Variants in ZNF284 observed in about 807,000 individuals in gnomAD.
ZNF284 encodes the protein zinc finger protein 284.
Under a neutral mutation model 12.9 loss-of-function variants are expected in ZNF284, and 12 were observed. The ratio of observed to expected loss-of-function variants is 0.93; its 90% CI spans 0.60 to 1.51. The LOEUF (loss-of-function observed/expected upper bound fraction) is 1.51, where lower values mean the gene tolerates loss of function less well. Among genes scored for constraint, ZNF284 ranks in the 40% most tolerant of loss-of-function variants. The pLI is 0.00. For synonymous variants in ZNF284, 225 were observed against 236.5 expected (o/e 0.95, Z 0.45); for missense variants, 667 against 707.3 (o/e 0.94, Z 0.65).
chr19:44,086,904 C>T lies in ZNF284; in HGVS notation c.1426C>T (p.Leu476Phe). 1 of 1,614,060 alleles carries T rather than the reference C, an allele frequency of 6.2e-7. No homozygotes were observed. Among genetic ancestry groups the T allele is most frequent in the South Asian group, 1.1e-5 (1 of 91,074 alleles). ...WASGILRHKR[L>F]HTGEKPFKCE... is the part of the protein sequence containing the mutation. ...CTCAGGTATTTTGAGACATAAGAGA[C>T]TCCATACTGGAGAAAAACCATTCAA... is the stretch of plus-strand genomic sequence containing the variant. Residue 476 changes from leucine (L) to phenylalanine (F), a missense_variant, in exon 5 of 5, where the codon CTC (leucine) becomes TTC (phenylalanine). Leu to Phe is a conservative substitution (Grantham distance 22). Transcript: ENST00000421176.
intron 4 of ZNF284, among the ~76,000 whole-genome samples, chr19:44,082,935 T>C (rs915588767): frequency 5.3e-5 from 8 of 152,204 alleles, no homozygotes; most frequent in African/African-American, 1.9e-4. Context: ...CTATATAACA[T>C]AACAGGTTCA....
At position 44,089,113 on chromosome 19, in the gene ZNF284, ATTTTG is replaced by A. The variant is rs67645517; in HGVS notation, c.*1873_*1877del. On this transcript the variant is annotated 3_prime_UTR_variant, in exon 5 of 5. Coordinates refer to ENST00000421176, the MANE Select transcript of ZNF284 (RefSeq NM_001037813.4). Reference sequence around the variant, plus strand: ...TACAGGCCTGAGCCATGCGCACAGCATTTTGTTTTGTTTTGTTTTGTTTTTGAGAT... The same window carrying A: ...TACAGGCCTGAGCCATGCGCACAGCATTTTGTTTTGTTTTGTTTTTGAGAT... The A allele has an allele frequency of 0.7, 104,681 of 149,512 alleles. 38,144 individuals carry two copies. The highest frequency in any genetic ancestry group is 0.83 in the Non-Finnish European group (55,698 of 67,422). The allele number at this position is 149,512 out of a possible 1,614,324, so 9.3% of individuals were successfully genotyped here.
At position 44,085,965 on chromosome 19, in the gene ZNF284, G is replaced by A; in HGVS notation, c.487G>A (p.Asp163Asn). 1 of 1,614,076 alleles carries A rather than the reference G, an allele frequency of 6.2e-7. No homozygotes were observed. The highest frequency in any genetic ancestry group is 8.5e-7 in the Non-Finnish European group (1 of 1,179,992). The change falls in exon 5 of 5, where the codon GAT becomes AAT. Residue 163 changes from aspartate (D) to asparagine (N), a missense_variant. Asp to Asn is a conservative substitution (Grantham distance 23, BLOSUM62 1). Coordinates refer to ENST00000421176, the MANE Select transcript of ZNF284 (RefSeq NM_001037813.4). ...ATTCTTCAGTGATGTCTCCATCCTT[G>A]ATCTTCATCAACAATTACACTCAGG... ...KKFFSDVSIL[D>N]LHQQLHSGKI...
At position 44,086,569 on chromosome 19, in the gene ZNF284, A is replaced by C. The variant is rs751613195; in HGVS notation, c.1091A>C (p.Asp364Ala). The change falls in exon 5 of 5, where the codon GAC (aspartate) becomes GCC (alanine). Residue 364 changes from aspartate to alanine, a missense_variant. Asp to Ala is a moderately radical substitution (Grantham distance 126, BLOSUM62 -2). Coordinates refer to ENST00000421176, the MANE Select transcript of ZNF284 (RefSeq NM_001037813.4). Reference protein sequence around the residue: ...CRQDLCKHQMDHTGDKPYNCN... With the variant: ...CRQDLCKHQMAHTGDKPYNCN... Reference sequence around the variant, plus strand: ...CAAGATCTTTGTAAGCATCAGATGGACCATACAGGAGACAAACCATATAAT... The same window carrying C: ...CAAGATCTTTGTAAGCATCAGATGGCCCATACAGGAGACAAACCATATAAT... 1 of 1,614,068 alleles carries C rather than the reference A, an allele frequency of 6.2e-7. No individual in the cohort carries two copies. The highest frequency in any genetic ancestry group is 1.3e-5 in the African/African-American group (1 of 74,922).
At chr19:44,079,459 C>T (rs1967083002) in intron 2 of ZNF284, among the ~76,000 whole-genome samples, 1 of 152,086 alleles carries the variant, frequency 6.6e-6, no homozygotes, top group Non-Finnish European at 1.5e-5. Context: ...CCTGTAATCC[C>T]AGCACTTTGG....
chr19:44,083,539 TTGTCTTATACTG>T (rs1452256872), intron 4 of ZNF284, among the ~76,000 whole-genome samples: 2 of 143,324 alleles, frequency 1.4e-5, no homozygotes, highest in African/African-American at 5.0e-5. Flanking sequence ...CCTTCTGGTG[TTGTCTTATACTG>T]TGTCTTATAT....
At position 44,082,100 on chromosome 19, in the gene ZNF284, A is replaced by T; in HGVS notation, c.230A>T (p.Asn77Ile). The T allele has an allele frequency of 6.2e-7, 1 of 1,613,164 alleles. No individual in the cohort carries two copies. The highest frequency in any genetic ancestry group is 1.1e-5 in the South Asian group (1 of 91,044). ...GAGACAGCAACCCAAAGAGAAGGGA[A>T]TTCAGGTAAGAACCAAGCAACGATG... ...IMETATQREG[N>I]SGGKIQTELE... Residue 77 changes from asparagine to isoleucine, a missense_variant, in exon 4 of 5, where the codon AAT becomes ATT. Coordinates refer to ENST00000421176, the MANE Select transcript of ZNF284 (RefSeq NM_001037813.4).
At position 44,085,819 on chromosome 19, in the gene ZNF284, C is replaced by T. The variant is rs762157886; in HGVS notation, c.341C>T (p.Pro114Leu). The change falls in exon 5 of 5, where the codon CCT becomes CTT. Residue 114 changes from proline to leucine, a missense_variant. Pro to Leu is a moderately conservative substitution (Grantham distance 98). Coordinates refer to ENST00000421176, the MANE Select transcript of ZNF284 (RefSeq NM_001037813.4). ...CAAACTGCAAGTGAGTTAACTAGACCTCAAGACTCCATAAGTAGCTCTCAG... is the reference window on the plus strand; with the variant it reads ...CAAACTGCAAGTGAGTTAACTAGACTTCAAGACTCCATAAGTAGCTCTCAG... ...WEQTASELTRPQDSISSSQFS... is the reference protein window; with the variant it reads ...WEQTASELTRLQDSISSSQFS... 7.5e-6 allele frequency: 12 copies of T among 1,610,176 alleles called. No individual in the cohort carries two copies. The highest frequency in any genetic ancestry group is 9.3e-6 in the Non-Finnish European group (11 of 1,178,558).
chr19:44,075,121 T>A (rs1043872540), intron 1 of ZNF284, among the ~76,000 whole-genome samples: 10 of 152,238 alleles, frequency 6.6e-5, no homozygotes, highest in Non-Finnish European at 1.3e-4. Flanking sequence ...CCATATTACA[T>A]AACGTTGTTA....
At chr19:44,079,598 A>G (rs1371429343) in intron 2 of ZNF284, among the ~76,000 whole-genome samples, 1 of 151,270 alleles carries the variant, frequency 6.6e-6, no homozygotes, top group Non-Finnish European at 1.5e-5. Flanking sequence ...AGTCCCAGCT[A>G]CTCGGGAGGC....
At chr19:44,075,223 T>C (rs1967008835) in intron 1 of ZNF284, among the ~76,000 whole-genome samples, 1 of 152,224 alleles carries the variant, frequency 6.6e-6, no homozygotes, top group South Asian at 2.1e-4. Flanking sequence ...TGTAACCCCA[T>C]TCAAAGTCCA....
intron 3 of ZNF284, among the ~76,000 whole-genome samples, chr19:44,081,449 T>C (rs377140792): frequency 5.6e-4 from 85 of 151,996 alleles, no homozygotes; most frequent in South Asian, 3.3e-3. Context: ...CGGTGGCTCA[T>C]GCCTGTAATC....
chr19:44,080,913 T>G, intron 2 of ZNF284, 102 bp from the exon 3 acceptor site: 1 of 1,413,818 alleles, frequency 7.1e-7, no homozygotes, highest in South Asian at 1.3e-5. Flanking sequence ...TCTTTCAAGA[T>G]CCACAGCAAC....
intron 4 of ZNF284, among the ~76,000 whole-genome samples, chr19:44,084,406 G>C (rs542207917): frequency 6.6e-6 from 1 of 152,200 alleles, no homozygotes; most frequent in African/African-American, 2.4e-5. Flanking sequence ...CAGTGCAAGG[G>C]ACTCCCCATG....
chr19:44,075,473 A>G (rs1174139533), intron 1 of ZNF284, among the ~76,000 whole-genome samples: 1 of 152,170 alleles, frequency 6.6e-6, no homozygotes, highest in Non-Finnish European at 1.5e-5. Context: ...ACAGTGTCCA[A>G]ATGATGTTGG....
rs1429457143 is a variant in ZNF284 at position 44,082,178 on chromosome 19, C to T, written c.235+73C>T. ...TTTTACTTCTGTCCATTGCCCAACT[C>T]CATTGCCCTGGTATAAATGGCCAAA... On this transcript the variant is annotated intron_variant, in intron 4 of 4. Coordinates refer to ENST00000421176, the MANE Select transcript of ZNF284 (RefSeq NM_001037813.4). 6 of 1,256,310 alleles carry T rather than the reference C, an allele frequency of 4.8e-6. No homozygotes were observed. In the South Asian group the frequency reaches 6.6e-5, roughly 14 times the overall value. 77.8% of individuals were successfully genotyped at this position (1,256,310 alleles called of 1,614,324 possible).
chr19:44,078,125 A>G (rs73037669), intron 2 of ZNF284, among the ~76,000 whole-genome samples: 400 of 152,372 alleles, frequency 2.6e-3, no homozygotes, highest in Non-Finnish European at 4.1e-3. Flanking sequence ...TACAGAATGG[A>G]GAAAAAAATT....
chr19:44,080,585 C>G (rs1568521335), intron 2 of ZNF284, among the ~76,000 whole-genome samples: 1 of 151,688 alleles, frequency 6.6e-6, no homozygotes, highest in Non-Finnish European at 1.5e-5. Context: ...GACTCTGTCT[C>G]AAAAAATAAA....
At chr19:44,083,459 A>ATG (rs1967160323) in intron 4 of ZNF284, among the ~76,000 whole-genome samples, 1 of 54,596 alleles carries the variant, frequency 1.8e-5, no homozygotes, top group Non-Finnish European at 4.7e-5. Context: ...AAATATATAT[A>ATG]TATATATATA....
Sources: allele counts gnomAD v4.1 joint callset (sites outside exome capture counted in the v4.1 genomes callset), GRCh38; gene constraint gnomAD v4.1.1; transcripts MANE v1.5; gene names NCBI Gene and HGNC (gene_info 2026-07-23, HGNC 2026-07-21).